IL1RAPL1: variants seen among roughly 807,000 people sequenced by gnomAD.
IL1RAPL1 encodes the protein interleukin-1 receptor accessory protein-like 1.
A neutral mutation model predicts 48.4 loss-of-function variants in IL1RAPL1; 3 were observed. The observed-to-expected ratio is 0.06, with a 90% CI of 0.03 to 0.16. The LOEUF (loss-of-function observed/expected upper bound fraction) is 0.16, where lower values mean the gene tolerates loss of function less well. Among genes scored for constraint, IL1RAPL1 ranks in the 10% least tolerant of loss-of-function variants. The pLI is 1.00. For missense variants in IL1RAPL1, 349 were observed against 530.6 expected (o/e 0.66, Z 3.36); for synonymous variants, 185 against 187.7 (o/e 0.99, Z 0.12).
At chrX:29,383,668 A>G (rs1174301924) in intron 3 of IL1RAPL1, among the ~76,000 whole-genome samples, 1 of 112,288 alleles carries the variant, frequency 8.9e-6, no homozygotes, top group African/African-American at 3.2e-5. Context: ...TTAATGAATA[A>G]TAGGTAATTC....
At chrX:28,683,538 C>T (rs1049589738) in intron 1 of IL1RAPL1, among the ~76,000 whole-genome samples, 2 of 111,258 alleles carry the variant, frequency 1.8e-5, no homozygotes, top group African/African-American at 3.3e-5. Context: ...GTTATAACCC[C>T]GCGGGCTAGA....
intron 5 of IL1RAPL1, among the ~76,000 whole-genome samples, chrX:29,556,147 A>G (rs1248742800): frequency 8.9e-6 from 1 of 111,875 alleles, no homozygotes; most frequent in Non-Finnish European, 1.9e-5. Flanking sequence ...CATGGTGTCC[A>G]GTCAGGGGAA....
intron 2 of IL1RAPL1, among the ~76,000 whole-genome samples, chrX:29,265,284 A>G (rs1184729051): frequency 9.1e-6 from 1 of 109,887 alleles, no homozygotes; most frequent in Admixed American, 9.8e-5. Flanking sequence ...AATTATGAAT[A>G]TTATGAATAT....
intron 3 of IL1RAPL1, among the ~76,000 whole-genome samples, chrX:29,314,589 G>A (rs1314044218): frequency 8.9e-6 from 1 of 112,424 alleles, no homozygotes; most frequent in East Asian, 2.8e-4. Context: ...AAAATGCAAA[G>A]TTATATTGAC....
intron 5 of IL1RAPL1, among the ~76,000 whole-genome samples, chrX:29,399,918 C>T (rs1484055959): frequency 9.0e-6 from 1 of 111,344 alleles, no homozygotes; most frequent in South Asian, 3.7e-4. Flanking sequence ...ATAATGGTAT[C>T]GTTTTTGGAA....
intron 3 of IL1RAPL1, among the ~76,000 whole-genome samples, chrX:29,375,310 C>T (rs908105059): frequency 9.3e-6 from 1 of 107,646 alleles, no homozygotes; most frequent in Admixed American, 1.0e-4. Context: ...TACAGGCACC[C>T]GCCGCCATGC....
At chrX:28,624,033 T>C (rs1460469806) in intron 1 of IL1RAPL1, among the ~76,000 whole-genome samples, 1 of 112,106 alleles carries the variant, frequency 8.9e-6, no homozygotes, top group Non-Finnish European at 1.9e-5. Flanking sequence ...ACATTTCATA[T>C]ATTTTAGGAA....
chrX:29,310,138 A>AAG (rs1932700133), intron 3 of IL1RAPL1, among the ~76,000 whole-genome samples: 1 of 99,027 alleles, frequency 1.0e-5, no homozygotes, highest in Non-Finnish European at 2.0e-5. Context: ...AAGAAAGGAA[A>AAG]AAAAAAAAAA....
At chrX:28,889,273 A>G (rs1922716821) in intron 2 of IL1RAPL1, among the ~76,000 whole-genome samples, 1 of 111,709 alleles carries the variant, frequency 9.0e-6, no homozygotes, top group Non-Finnish European at 1.9e-5. Context: ...TATTATTACA[A>G]TCCCTAACAT....
intron 2 of IL1RAPL1, among the ~76,000 whole-genome samples, chrX:28,935,458 G>A (rs1270710292): frequency 9.0e-6 from 1 of 111,273 alleles, no homozygotes; most frequent in Admixed American, 9.6e-5. Flanking sequence ...TTTATTTCTG[G>A]ACTCTCAGTT....
intron 6 of IL1RAPL1, among the ~76,000 whole-genome samples, chrX:29,893,070 G>A (rs1031653516): frequency 2.7e-5 from 3 of 111,390 alleles, no homozygotes; most frequent in Non-Finnish European, 5.7e-5. Context: ...GGCTGTGTAT[G>A]TTGACTCACA....
intron 3 of IL1RAPL1, among the ~76,000 whole-genome samples, chrX:29,326,840 A>G (rs889242382): frequency 1.7e-4 from 19 of 111,970 alleles, no homozygotes; most frequent in African/African-American, 3.2e-4. Flanking sequence ...ATCTATACCA[A>G]TTTTGCAGAA....
intron 5 of IL1RAPL1, among the ~76,000 whole-genome samples, chrX:29,668,225 A>C (rs1480531922): frequency 8.9e-6 from 1 of 112,338 alleles, no homozygotes; most frequent in Non-Finnish European, 1.9e-5. Flanking sequence ...TCAGTCTGGA[A>C]GTGTTATATT....
At chrX:28,667,907 C>T (rs1043094627) in intron 1 of IL1RAPL1, among the ~76,000 whole-genome samples, 2 of 111,419 alleles carry the variant, frequency 1.8e-5, no homozygotes, top group Non-Finnish European at 1.9e-5. Context: ...CTAATTACCT[C>T]CCAAAGGCCC....
intron 2 of IL1RAPL1, among the ~76,000 whole-genome samples, chrX:29,074,174 C>T (rs1382158777): frequency 8.9e-6 from 1 of 111,752 alleles, no homozygotes; most frequent in East Asian, 2.8e-4. Context: ...AATGCAGGGG[C>T]TAAATAATGA....
chrX:29,909,962 G>A (rs993993395), intron 6 of IL1RAPL1, among the ~76,000 whole-genome samples: 3 of 111,244 alleles, frequency 2.7e-5, no homozygotes, highest in South Asian at 3.8e-4. Flanking sequence ...GCATGCGTAC[G>A]TTCATTGCAG....
At chrX:29,404,045 C>T (rs1934025462) in intron 5 of IL1RAPL1, among the ~76,000 whole-genome samples, 1 of 111,979 alleles carries the variant, frequency 8.9e-6, no homozygotes, top group African/African-American at 3.2e-5. Context: ...CTGTATTTCC[C>T]AGGATCCTCT....
intron 1 of IL1RAPL1, among the ~76,000 whole-genome samples, chrX:28,595,811 C>A (rs1569135131): frequency 1.8e-5 from 2 of 111,204 alleles, no homozygotes; most frequent in African/African-American, 3.3e-5. Flanking sequence ...TTTTGGATAC[C>A]CCTATTAAAG....
intron 6 of IL1RAPL1, among the ~76,000 whole-genome samples, chrX:29,794,402 C>T (rs937280323): frequency 8.0e-5 from 9 of 111,887 alleles, no homozygotes; most frequent in African/African-American, 1.9e-4. Context: ...GCAATTATCA[C>T]GTTATTAGAG....
Sources: gnomAD v4.1 joint callset for allele counts (sites outside exome capture counted in the v4.1 genomes callset) on GRCh38, gnomAD v4.1.1 for gene constraint, MANE v1.5 for transcripts, NCBI Gene and HGNC (gene_info 2026-07-23, HGNC 2026-07-21) for gene names.